The following ZNF618 variants were observed in gnomAD, a reference collection of about 807,000 sequenced individuals.
The protein encoded by ZNF618 is neural precursor cell expressed, developmentally down-regulated 10.
ZNF618 carries 34 observed loss-of-function variants against 103.0 expected under a neutral mutation model. The ratio of observed to expected loss-of-function variants is 0.33; its 90% CI spans 0.25 to 0.44. The LOEUF is 0.44. Among genes scored for constraint, ZNF618 ranks in the 20% least tolerant of loss-of-function variants. The probability of loss-of-function intolerance (pLI) is 1.00; values close to 1 mark genes in which losing one functional copy is unlikely to be tolerated. For missense variants in ZNF618, 1,059 were observed against 1,295.4 expected, an observed-to-expected ratio of 0.82 and a Z score of 2.80; for synonymous variants, 551 against 542.2, an observed-to-expected ratio of 1.02 and a Z score of -0.23.
chr9:113,943,121 C>T (rs765578151), intron 1 of ZNF618, among the ~76,000 whole-genome samples: 5 of 152,130 alleles, frequency 3.3e-5, no homozygotes, highest in Non-Finnish European at 5.9e-5. Flanking sequence ...CTCCTCCTGG[C>T]GTGGTTTACA....
At chr9:113,901,227 T>A (rs1830515647) in intron 1 of ZNF618, among the ~76,000 whole-genome samples, 1 of 152,224 alleles carries the variant, frequency 6.6e-6, no homozygotes, top group African/African-American at 2.4e-5. Context: ...CTAAACTTTG[T>A]CTCCAGTTCT....
chr9:114,008,213 C>T, intron 7 of ZNF618, 131 bp from the exon 8 acceptor site: 2 of 1,317,098 alleles, frequency 1.5e-6, no homozygotes, highest in Non-Finnish European at 2.1e-6. Flanking sequence ...CACGGCAGCC[C>T]TCCTGGGCCC....
chr9:114,028,778 C>G lies in ZNF618; in HGVS notation c.890C>G (p.Ser297Cys). 1 of 1,550,614 alleles carries G rather than the reference C, an allele frequency of 6.4e-7. No homozygotes were observed. The highest frequency in any genetic ancestry group is 8.7e-7 in the Non-Finnish European group (1 of 1,146,998). ...WEPPDDPDTG[S>C]ECSHPEVSPS... ...CCACCGGATGATCCAGACACGGGCT[C>G]TGAGTGTTCACATCCAGAGGTCTCC... The change falls in exon 11 of 15, where the codon TCT (serine) becomes TGT (cysteine). Residue 297 changes from serine to cysteine, a missense_variant. Ser to Cys is a moderately radical substitution (Grantham distance 112, BLOSUM62 -1). Coordinates refer to ENST00000374126, the MANE Select transcript of ZNF618 (RefSeq NM_001318042.2).
At chr9:113,915,842 A>G (rs1236713699) in intron 1 of ZNF618, among the ~76,000 whole-genome samples, 3 of 152,200 alleles carry the variant, frequency 2.0e-5, no homozygotes, top group Non-Finnish European at 4.4e-5. Context: ...AACCAAGGAA[A>G]TGAATAATCC....
In ZNF618 at chr9:113,982,203, G is replaced by C. The variant is rs571067299; in HGVS notation, c.78-6118G>C. Among the ~76,000 whole-genome samples, 10 of 152,340 alleles carry C rather than the reference G, an allele frequency of 6.6e-5. No homozygotes were observed. The East Asian group carries it at 1.7e-3, about 26-fold the overall frequency. On this transcript the variant is annotated intron_variant, in intron 2 of 14. Coordinates refer to ENST00000374126, the MANE Select transcript of ZNF618 (RefSeq NM_001318042.2). ...TTTCATGTTACACCATGTATTGGTT[G>C]CCTATGGCTGCTTTTGCTCCTGTTG... is the stretch of plus-strand genomic sequence containing the variant.
intron 1 of ZNF618, among the ~76,000 whole-genome samples, chr9:113,889,428 G>A (rs1408056392): frequency 6.6e-6 from 1 of 151,566 alleles, no homozygotes; most frequent in Non-Finnish European, 1.5e-5. Flanking sequence ...GCGTCTTGAG[G>A]CTGCAAAGAT....
At chr9:113,946,995 C>G (rs1402769029) in intron 1 of ZNF618, among the ~76,000 whole-genome samples, 1 of 152,222 alleles carries the variant, frequency 6.6e-6, no homozygotes, top group Non-Finnish European at 1.5e-5. Context: ...GTTCTTAAAT[C>G]TGTGTTCTGT....
chr9:113,994,686 C>CA (rs1840396616), intron 3 of ZNF618, among the ~76,000 whole-genome samples: 1 of 152,166 alleles, frequency 6.6e-6, no homozygotes, highest in African/African-American at 2.4e-5. Flanking sequence ...TTTAACGGGA[C>CA]AAAAAACGTA....
chr9:113,979,517 G>A (rs752201459), intron 2 of ZNF618, among the ~76,000 whole-genome samples: 1 of 152,132 alleles, frequency 6.6e-6, no homozygotes, highest in African/African-American at 2.4e-5. Context: ...TATAATAAAG[G>A]CCAGATGAAT....
chr9:113,924,948 AC>A (rs1832952709), intron 1 of ZNF618, among the ~76,000 whole-genome samples: 1 of 151,762 alleles, frequency 6.6e-6, no homozygotes, highest in South Asian at 2.1e-4. Context: ...CTAAAATGTG[AC>A]TATCTTGGTG....
rs866993231 is a variant in ZNF618 at position 113,988,484 on chromosome 9, AAGG to A, written c.247_249del (p.Glu83del). Reference sequence around the variant, plus strand: ...GGAGGTGATCTGGCAGGGCGAGGCCAAGGAGGAGAAGAAGGCGGTCAGCAAGGA... The same window carrying A: ...GGAGGTGATCTGGCAGGGCGAGGCCAAGGAGAAGAAGGCGGTCAGCAAGGA... On this transcript the variant is annotated inframe_deletion, in exon 3 of 15. Coordinates refer to ENST00000374126, the MANE Select transcript of ZNF618 (RefSeq NM_001318042.2). 8 of 1,613,472 alleles carry A rather than the reference AAGG, an allele frequency of 5.0e-6. No individual in the cohort carries two copies. The highest frequency in any genetic ancestry group is 6.8e-6 in the Non-Finnish European group (8 of 1,179,868).
At chr9:113,971,236 G>A (rs1837929501) in intron 2 of ZNF618, among the ~76,000 whole-genome samples, 1 of 152,052 alleles carries the variant, frequency 6.6e-6, no homozygotes, top group Non-Finnish European at 1.5e-5. Context: ...GGGGCATTAA[G>A]TTTGTCTAGA....
intron 1 of ZNF618, among the ~76,000 whole-genome samples, chr9:113,930,406 T>C (rs1202128603): frequency 6.6e-6 from 1 of 152,240 alleles, no homozygotes; most frequent in East Asian, 1.9e-4. Context: ...GTTGTAGATA[T>C]GCATTGAGCT....
At chr9:113,994,928 T>TAA (rs77497554) in intron 3 of ZNF618, among the ~76,000 whole-genome samples, 3 of 139,648 alleles carry the variant, frequency 2.1e-5, no homozygotes, top group African/African-American at 2.6e-5. Flanking sequence ...GGATATTGTG[T>TAA]AAAAAAAAAA....
At chr9:113,960,344 T>TAA (rs1381568735) in intron 1 of ZNF618, among the ~76,000 whole-genome samples, 1 of 152,220 alleles carries the variant, frequency 6.6e-6, no homozygotes, top group African/African-American at 2.4e-5. Flanking sequence ...AGTCTGTCCA[T>TAA]AAGCTTCCAG....
chr9:114,022,504 G>T (rs1489652178), intron 10 of ZNF618, among the ~76,000 whole-genome samples: 1 of 143,952 alleles, frequency 6.9e-6, no homozygotes, highest in African/African-American at 2.6e-5. Flanking sequence ...TGTGGTCAGA[G>T]AACATATTCT....
chr9:113,912,202 G>A (rs1041659520), intron 1 of ZNF618, among the ~76,000 whole-genome samples: 1 of 152,212 alleles, frequency 6.6e-6, no homozygotes, highest in African/African-American at 2.4e-5. Flanking sequence ...AGCCAGACCA[G>A]TGAGTGGCTC....
At chr9:114,002,788 C>A in intron 6 of ZNF618, 126 bp downstream of exon 6, 1 of 1,037,102 alleles carries the variant, frequency 9.6e-7, no homozygotes, top group Non-Finnish European at 1.4e-6. Context: ...TGCTGGGGTC[C>A]AAGCTTGGGG....
chr9:114,020,659 A>G (rs975468346), intron 10 of ZNF618, among the ~76,000 whole-genome samples: 3 of 152,090 alleles, frequency 2.0e-5, no homozygotes, highest in African/African-American at 4.8e-5. Flanking sequence ...GTGTATTGCA[A>G]ATTAGCTAAA....
Sources: allele counts gnomAD v4.1 joint callset (sites outside exome capture counted in the v4.1 genomes callset), GRCh38; gene constraint gnomAD v4.1.1; transcripts MANE v1.5; gene names NCBI Gene and HGNC (gene_info 2026-07-23, HGNC 2026-07-21).